The following RARB variants were observed in gnomAD, a reference collection of about 807,000 sequenced individuals.
The protein encoded by RARB is retinoic acid receptor beta, also known as HBV-activated protein.
RARB carries 17 observed loss-of-function variants against 51.9 expected under a neutral mutation model. The ratio of observed to expected loss-of-function variants is 0.33; its 90% CI spans 0.22 to 0.49. RARB has a LOEUF of 0.49. Ranked by LOEUF, RARB falls within the 20% of genes least tolerant of loss-of-function variation. RARB has a pLI of 0.99. For missense variants in RARB, 369 were observed against 550.8 expected, an observed-to-expected ratio of 0.67 and a Z score of 3.30; for synonymous variants, 215 against 195.4, an observed-to-expected ratio of 1.10 and a Z score of -0.84.
At chr3:24,841,144 G>A (rs1241076454) in intron 1 of RARB, among the ~76,000 whole-genome samples, 1 of 152,160 alleles carries the variant, frequency 6.6e-6, no homozygotes, top group Non-Finnish European at 1.5e-5. Flanking sequence ...AAAACCAAAT[G>A]TTTCCCCATT....
chr3:25,404,930 A>G (rs1336713717), intron 5 of RARB, among the ~76,000 whole-genome samples: 1 of 152,102 alleles, frequency 6.6e-6, no homozygotes, highest in Non-Finnish European at 1.5e-5. Flanking sequence ...CCCAATCAGC[A>G]TTTATTCTAT....
At chr3:24,911,216 G>C (rs114923480) in intron 2 of RARB, among the ~76,000 whole-genome samples, 1,689 of 152,274 alleles carry the variant, frequency 0.011, 26 homozygotes, top group African/African-American at 0.035. Context: ...TTTGTTCACA[G>C]CTGTAGTACT....
chr3:25,271,530 C>A (rs1400513672), intron 5 of RARB, among the ~76,000 whole-genome samples: 2 of 152,134 alleles, frequency 1.3e-5, no homozygotes, highest in African/African-American at 4.8e-5. Flanking sequence ...TTGATATTGG[C>A]ATACAACTAA....
At chr3:25,321,902 G>C (rs1310619731) in intron 5 of RARB, among the ~76,000 whole-genome samples, 2 of 151,748 alleles carry the variant, frequency 1.3e-5, no homozygotes, top group Admixed American at 1.3e-4. Flanking sequence ...ATTATTTGGG[G>C]AATTTGTGGA....
At chr3:25,218,900 A>G (rs957815201) in intron 5 of RARB, among the ~76,000 whole-genome samples, 1 of 152,006 alleles carries the variant, frequency 6.6e-6, no homozygotes, top group Non-Finnish European at 1.5e-5. Flanking sequence ...CTGGGCTTCC[A>G]TTTATCTCAG....
intron 2 of RARB, among the ~76,000 whole-genome samples, chr3:24,927,999 G>T (rs1237926018): frequency 2.0e-5 from 3 of 152,022 alleles, no homozygotes; most frequent in South Asian, 4.1e-4. Context: ...TTGCTTTATT[G>T]TTGGATCTAA....
intron 1 of RARB, among the ~76,000 whole-genome samples, chr3:24,832,085 G>T (rs550799815): frequency 5.3e-5 from 8 of 152,100 alleles, no homozygotes; most frequent in Non-Finnish European, 1.0e-4. Context: ...TAACCTTAGG[G>T]ACATTTGTGA....
intron 3 of RARB, among the ~76,000 whole-genome samples, chr3:25,535,355 C>G (rs1361622061): frequency 6.6e-6 from 1 of 151,486 alleles, no homozygotes; most frequent in Admixed American, 6.6e-5. Context: ...GCTCTACCAC[C>G]TGCTGGCCAT....
At chr3:25,265,792 A>G (rs1283291888) in intron 5 of RARB, among the ~76,000 whole-genome samples, 1 of 152,124 alleles carries the variant, frequency 6.6e-6, no homozygotes, top group Non-Finnish European at 1.5e-5. Flanking sequence ...TAATCTTACA[A>G]TTCTGAAGGT....
intron 2 of RARB, among the ~76,000 whole-genome samples, chr3:25,004,119 A>G (rs1187833784): frequency 6.6e-6 from 1 of 152,118 alleles, no homozygotes; most frequent in Non-Finnish European, 1.5e-5. Flanking sequence ...CTATTGTGCC[A>G]CCATTTCAAG....
At chr3:25,346,621 T>C (rs908177730) in intron 5 of RARB, among the ~76,000 whole-genome samples, 2 of 152,216 alleles carry the variant, frequency 1.3e-5, no homozygotes, top group African/African-American at 4.8e-5. Context: ...CACTGCAGAA[T>C]GTGCCCTGAT....
intron 2 of RARB, among the ~76,000 whole-genome samples, chr3:25,057,757 G>C (rs746985939): frequency 6.6e-6 from 1 of 151,934 alleles, no homozygotes; most frequent in East Asian, 1.9e-4. Context: ...ACTAGAAGAA[G>C]ACTATTCCAA....
chr3:25,126,961 T>C (rs1699869464), intron 3 of RARB, among the ~76,000 whole-genome samples: 1 of 152,128 alleles, frequency 6.6e-6, no homozygotes, highest in Non-Finnish European at 1.5e-5. Context: ...ATGCAAGTTC[T>C]TCACACACTA....
intron 2 of RARB, among the ~76,000 whole-genome samples, chr3:24,986,115 T>C (rs1696789449): frequency 6.6e-6 from 1 of 152,198 alleles, no homozygotes; most frequent in South Asian, 2.1e-4. Context: ...AACTATAAAT[T>C]GTTTGATTCT....
chr3:25,444,881 G>A (rs1011471957), intron 1 of RARB, among the ~76,000 whole-genome samples: 15 of 152,152 alleles, frequency 9.9e-5, no homozygotes, highest in Admixed American at 5.9e-4. Context: ...GAGGTGTATT[G>A]AGCAGACCAT....
At chr3:24,893,965 G>C (rs766202344) in intron 2 of RARB, among the ~76,000 whole-genome samples, 1 of 152,104 alleles carries the variant, frequency 6.6e-6, no homozygotes, top group African/African-American at 2.4e-5. Flanking sequence ...ACAAGCCTGT[G>C]CTTTTATTAT....
At chr3:24,970,685 C>G (rs1696378334) in intron 2 of RARB, among the ~76,000 whole-genome samples, 1 of 151,538 alleles carries the variant, frequency 6.6e-6, no homozygotes, top group Admixed American at 6.6e-5. Flanking sequence ...GAGGATAGTC[C>G]TTTTAATTGG....
chr3:25,002,524 T>A (rs1239919659), intron 2 of RARB, among the ~76,000 whole-genome samples: 1 of 152,174 alleles, frequency 6.6e-6, no homozygotes, highest in Non-Finnish European at 1.5e-5. Context: ...GTTTATCTTA[T>A]TTTTAGGCTA....
At chr3:25,573,142 G>A (rs1425234234) in intron 4 of RARB, among the ~76,000 whole-genome samples, 2 of 152,090 alleles carry the variant, frequency 1.3e-5, no homozygotes, top group Non-Finnish European at 2.9e-5. Flanking sequence ...ACTAGATCGA[G>A]CTCTGACTGC....
Sources: gnomAD v4.1 joint callset for allele counts (sites outside exome capture counted in the v4.1 genomes callset) on GRCh38, gnomAD v4.1.1 for gene constraint, MANE v1.5 for transcripts, NCBI Gene and HGNC (gene_info 2026-07-23, HGNC 2026-07-21) for gene names.